Variants in XPNPEP3 observed in about 807,000 individuals in gnomAD.
XPNPEP3 encodes the protein X-prolyl aminopeptidase 3.
In XPNPEP3, 41 loss-of-function variants were observed where a neutral mutation model predicts 60.0. The ratio of observed to expected loss-of-function variants is 0.68; its 90% confidence interval spans 0.53 to 0.89. The LOEUF (loss-of-function observed/expected upper bound fraction) is 0.89. Ranked by LOEUF, XPNPEP3 falls within the 40% of genes least tolerant of loss-of-function variation. XPNPEP3 has a pLI of 0.00. For missense variants in XPNPEP3, 598 were observed against 638.9 expected (o/e 0.94, Z 0.69); for synonymous variants, 212 against 223.2 (o/e 0.95, Z 0.45).
chr22:40,899,817 C>CA (rs1336628860), intron 4 of XPNPEP3, among the ~76,000 whole-genome samples: 2,004 of 53,950 alleles, frequency 0.037, 61 homozygotes, highest in African/African-American at 0.095. Flanking sequence ...GACTCTATCT[C>CA]AAAAAAAAAA....
At chr22:40,866,378 A>T (rs949513236) in intron 1 of XPNPEP3, among the ~76,000 whole-genome samples, 6 of 151,978 alleles carry the variant, frequency 3.9e-5, no homozygotes, top group African/African-American at 1.4e-4. Context: ...CAAGCAGAAC[A>T]GAGGCAGTAG....
chr22:40,866,718 C>T (rs1181797382), intron 1 of XPNPEP3, among the ~76,000 whole-genome samples: 2 of 152,034 alleles, frequency 1.3e-5, no homozygotes, highest in Non-Finnish European at 2.9e-5. Flanking sequence ...TATATGACTT[C>T]GGGCAAAAGA....
In XPNPEP3 at chr22:40,922,306, C is replaced by A. The variant is rs543370651; in HGVS notation, c.1056-27C>A. The A allele has an allele frequency of 1.1e-5, 17 of 1,613,342 alleles. No individual in the cohort carries two copies. The South Asian group carries it at 1.9e-4, about 18-fold the overall frequency. ...CTTAGAATATCAGATTATCTAAGTT[C>A]AGGTTCTTTGGTTTTCCCGTCCCCA... On this transcript the variant is annotated intron_variant, in intron 7 of 9. Coordinates refer to ENST00000357137, the MANE Select transcript of XPNPEP3 (RefSeq NM_022098.4).
intron 2 of XPNPEP3, among the ~76,000 whole-genome samples, chr22:40,881,128 C>T (rs1172850288): frequency 6.6e-6 from 1 of 151,982 alleles, no homozygotes; most frequent in Non-Finnish European, 1.5e-5. Context: ...TCACTGCAAC[C>T]TCCACCTCCC....
chr22:40,897,811 T>C (rs1395002680), intron 4 of XPNPEP3, among the ~76,000 whole-genome samples: 2 of 152,298 alleles, frequency 1.3e-5, no homozygotes, highest in East Asian at 3.9e-4. Context: ...TCTCATAGTT[T>C]TTATTTGCAT....
intron 4 of XPNPEP3, among the ~76,000 whole-genome samples, 191 bp from the exon 5 acceptor site, chr22:40,907,396 G>T (rs2058160406): frequency 6.6e-6 from 1 of 152,080 alleles, no homozygotes; most frequent in Admixed American, 6.6e-5. Context: ...ACTCCAGCCT[G>T]GGCAACAGAG....
Position 40,926,585 on chromosome 22 carries a change from TG to T in XPNPEP3, c.*156del, listed in dbSNP as rs1439412385. On this transcript the variant is annotated 3_prime_UTR_variant, in exon 10 of 10. Coordinates refer to ENST00000357137, the MANE Select transcript of XPNPEP3 (RefSeq NM_022098.4). ...CTGTGTGAATGTATGTAATTGTGTG[TG>T]GGGGGTTTTTTGTTTTAAGTAGTTA... 12 of 1,040,774 alleles carry T rather than the reference TG, an allele frequency of 1.2e-5. No homozygotes were observed. Among genetic ancestry groups the T allele is most frequent in the East Asian group, 4.8e-5 (2 of 41,648 alleles). The allele number at this position is 1,040,774 out of a possible 1,614,324, so 64.5% of individuals were successfully genotyped here. A position where few individuals can be genotyped will look rare whatever the true frequency, so the allele number is the denominator to read the frequency against.
At chr22:40,859,603 C>T (rs1438274717) in intron 1 of XPNPEP3, 1 of 152,070 alleles carries the variant, frequency 6.6e-6, no homozygotes, top group Non-Finnish European at 1.5e-5. Context: ...ACTTTGAATA[C>T]TAATTGTCCG....
chr22:40,861,723 TGGAATGTGAAGCC>T, intron 1 of XPNPEP3: 1 of 1,614,098 alleles, frequency 6.2e-7, no homozygotes, highest in Non-Finnish European at 8.5e-7. Context: ...ATCTGGCTTA[TGGAATGTGAAGCC>T]GTACTCACAT....
At chr22:40,887,811 T>G (rs2058075069) in intron 4 of XPNPEP3, among the ~76,000 whole-genome samples, 1 of 151,630 alleles carries the variant, frequency 6.6e-6, no homozygotes, top group Non-Finnish European at 1.5e-5. Flanking sequence ...CCCCGAGAGT[T>G]TTCACAGAGA....
rs926405996 is a variant in XPNPEP3 at position 40,881,630 on chromosome 22, T to G, written c.182-140T>G. ...AATACAAGTTTGAAACCTGGTTATCTCCTTAATTCTCCATGTGCTGTGAGG... is the reference window on the plus strand; with the variant it reads ...AATACAAGTTTGAAACCTGGTTATCGCCTTAATTCTCCATGTGCTGTGAGG... On this transcript the variant is annotated intron_variant, in intron 2 of 9. Transcript: ENST00000357137. The G allele has an allele frequency of 3.0e-6, 3 of 1,007,840 alleles. No individual in the cohort carries two copies. The African/African-American group carries it at 4.8e-5, about 16-fold the overall frequency. 62.4% of individuals were successfully genotyped at this position (1,007,840 alleles called of 1,614,324 possible). A position where few individuals can be genotyped will look rare whatever the true frequency, so the allele number is the denominator to read the frequency against.
intron 3 of XPNPEP3, among the ~76,000 whole-genome samples, chr22:40,885,092 TGTA>T (rs1207096598): frequency 2.0e-5 from 3 of 152,012 alleles, no homozygotes; most frequent in Non-Finnish European, 2.9e-5. Context: ...GTGTTTCCCA[TGTA>T]GTATATATTT....
chr22:40,884,595 G>T (rs907400300), intron 3 of XPNPEP3, among the ~76,000 whole-genome samples: 1 of 150,844 alleles, frequency 6.6e-6, no homozygotes, highest in African/African-American at 2.4e-5. Flanking sequence ...CAGCCTCCCA[G>T]GGTGCTGGGA....
chr22:40,908,649 G>T (rs2058165506), intron 5 of XPNPEP3, among the ~76,000 whole-genome samples: 2 of 152,186 alleles, frequency 1.3e-5, no homozygotes, highest in African/African-American at 4.8e-5. Context: ...CTTTTCCAGA[G>T]CATTTAGATT....
At chr22:40,901,021 A>C (rs548271247) in intron 4 of XPNPEP3, among the ~76,000 whole-genome samples, 1 of 152,028 alleles carries the variant, frequency 6.6e-6, no homozygotes, top group African/African-American at 2.4e-5. Context: ...TGGGAGGCCA[A>C]GGCAAGGAAG....
At chr22:40,891,311 G>A (rs573077070) in intron 4 of XPNPEP3, among the ~76,000 whole-genome samples, 1 of 151,494 alleles carries the variant, frequency 6.6e-6, no homozygotes, top group Admixed American at 6.6e-5. Context: ...AGTAAGCCAC[G>A]ATCATGCCAC....
chr22:40,900,477 G>A (rs2058127591), intron 4 of XPNPEP3, among the ~76,000 whole-genome samples: 1 of 151,878 alleles, frequency 6.6e-6, no homozygotes, highest in African/African-American at 2.4e-5. Context: ...ATGGTGGCGG[G>A]TGCCTGTAAT....
Position 40,857,200 on chromosome 22 carries a change from G to T in XPNPEP3, c.19G>T (p.Ala7Ser). Residue 7 changes from alanine (A) to serine (S), a missense_variant, in exon 1 of 10, where the codon GCC (alanine) becomes TCC (serine). By Grantham distance (99) the Ala-to-Ser change is moderately conservative. Transcript: ENST00000357137. The part of the protein sequence containing the change: MPWLLS[A>S]PKLVPAVANV... The stretch of plus-strand genomic sequence containing the variant: ...GGCCGTAATGCCTTGGCTGCTCTCA[G>T]CCCCCAAGCTGGTTCCCGCTGTAGC... 1.9e-6 allele frequency: 3 copies of T among 1,614,178 alleles called. No individual in the cohort carries two copies. Among genetic ancestry groups the T allele is most frequent in the Non-Finnish European group, 2.5e-6 (3 of 1,180,018 alleles).
At chr22:40,924,563 GC>G in intron 9 of XPNPEP3, 81 bp downstream of exon 9, 1 of 1,566,186 alleles carries the variant, frequency 6.4e-7, no homozygotes, top group Non-Finnish European at 8.7e-7. Context: ...TTGCTCTTTC[GC>G]CCAGGCTGGA....
Sources: allele counts gnomAD v4.1 joint callset (sites outside exome capture counted in the v4.1 genomes callset), GRCh38; gene constraint gnomAD v4.1.1; transcripts MANE v1.5; gene names NCBI Gene and HGNC (gene_info 2026-07-23, HGNC 2026-07-21).